ROBO2: variants seen among roughly 807,000 people sequenced by gnomAD.
The protein encoded by ROBO2 is roundabout guidance receptor 2.
In ROBO2, 53 loss-of-function variants were observed where a neutral mutation model predicts 160.8. The observed-to-expected ratio is 0.33, with a 90% confidence interval of 0.26 to 0.41. The LOEUF (loss-of-function observed/expected upper bound fraction) is 0.41, where lower values mean the gene tolerates loss of function less well. Among genes scored for constraint, ROBO2 ranks in the 10% least tolerant of loss-of-function variants. ROBO2 has a pLI of 1.00. For synonymous variants in ROBO2, 664 were observed against 611.7 expected, an observed-to-expected ratio of 1.09 and a Z score of -1.26; for missense variants, 1,577 against 1,722.4, an observed-to-expected ratio of 0.92 and a Z score of 1.49.
chr3:77,477,144 T>C (rs995776136), intron 2 of ROBO2, among the ~76,000 whole-genome samples: 21 of 152,188 alleles, frequency 1.4e-4, no homozygotes, highest in African/African-American at 5.1e-4. Context: ...CGCAGAACTG[T>C]ACATGAATAT....
At chr3:76,031,119 C>G (rs1292298067) in intron 2 of ROBO2, among the ~76,000 whole-genome samples, 1 of 152,124 alleles carries the variant, frequency 6.6e-6, no homozygotes, top group Non-Finnish European at 1.5e-5. Flanking sequence ...ATTTTATTCT[C>G]TTCATAGCAG....
intron 2 of ROBO2, among the ~76,000 whole-genome samples, chr3:77,004,707 G>A (rs936543707): frequency 1.3e-5 from 2 of 152,168 alleles, no homozygotes; most frequent in African/African-American, 4.8e-5. Flanking sequence ...TCAGTAAAAT[G>A]TTTCGGTGCT....
rs1193680951 is a variant in ROBO2 at position 77,578,107 on chromosome 3, G to GA, written c.2328+500dup. Among the ~76,000 whole-genome samples, 31 of 148,894 alleles carry GA rather than the reference G, an allele frequency of 2.1e-4. No homozygotes were observed. The South Asian group carries it at 6.0e-3, about 29-fold the overall frequency. ...TGAGGTTGTGTAGAATATTTCACCT[G>GA]AAAAAAAGCCACTGAACATATTTTA... On this transcript the variant is annotated intron_variant, in intron 15 of 25. Transcript: ENST00000461745.
intron 5 of ROBO2, among the ~76,000 whole-genome samples, chr3:77,515,688 T>C (rs1280165304): frequency 6.6e-6 from 1 of 151,660 alleles, no homozygotes; most frequent in African/African-American, 2.4e-5. Context: ...GATTCATACA[T>C]CAGGATTTTT....
intron 2 of ROBO2, among the ~76,000 whole-genome samples, chr3:75,986,553 T>G (rs1023299941): frequency 6.6e-6 from 1 of 151,664 alleles, no homozygotes; most frequent in African/African-American, 2.4e-5. Flanking sequence ...GTTTATCAAG[T>G]ACAGTTTTTA....
intron 2 of ROBO2, among the ~76,000 whole-genome samples, chr3:77,188,208 A>G (rs1248100217): frequency 6.6e-6 from 1 of 151,928 alleles, no homozygotes; most frequent in African/African-American, 2.4e-5. Context: ...ATTTACTTAT[A>G]TATTATTTGC....
chr3:75,968,022 T>G (rs1949181675), intron 2 of ROBO2, among the ~76,000 whole-genome samples: 1 of 151,582 alleles, frequency 6.6e-6, no homozygotes, highest in Non-Finnish European at 1.5e-5. Flanking sequence ...TAACTTCACA[T>G]GCTAATTCAT....
At chr3:77,002,831 T>G (rs2149426017) in intron 2 of ROBO2, among the ~76,000 whole-genome samples, 1 of 152,272 alleles carries the variant, frequency 6.6e-6, no homozygotes, top group Non-Finnish European at 1.5e-5. Context: ...CAATAATATT[T>G]ACTTAGTCTA....
intron 2 of ROBO2, among the ~76,000 whole-genome samples, chr3:76,314,318 CT>C (rs1281219369): frequency 2.0e-5 from 3 of 151,984 alleles, no homozygotes; most frequent in African/African-American, 7.3e-5. Flanking sequence ...GTTCGATTAC[CT>C]TCACCATGAA....
chr3:77,502,645 T>C (rs1199846615), intron 5 of ROBO2, among the ~76,000 whole-genome samples: 1 of 152,162 alleles, frequency 6.6e-6, no homozygotes, highest in African/African-American at 2.4e-5. Flanking sequence ...TCTGTGGATT[T>C]AACCAATTCT....
chr3:76,944,365 T>C lies in ROBO2; in HGVS notation c.110-153649T>C, dbSNP rs368212111. Reference sequence around the variant, plus strand: ...TATTTGGTATTTCAAAAATAAACTGTTCTCAAACCTTTCACTCCACACTAC... The same window carrying C: ...TATTTGGTATTTCAAAAATAAACTGCTCTCAAACCTTTCACTCCACACTAC... On this transcript the variant is annotated intron_variant, in intron 2 of 26. Coordinates refer to the ROBO2 transcript ENST00000487694. 3.3e-5 allele frequency among the ~76,000 whole-genome samples: 5 copies of C among 152,198 alleles called. No homozygotes were observed. The East Asian group carries it at 9.6e-4, about 29-fold the overall frequency.
chr3:76,766,020 A>G (rs2061561726), intron 2 of ROBO2, among the ~76,000 whole-genome samples: 1 of 151,728 alleles, frequency 6.6e-6, no homozygotes, highest in African/African-American at 2.4e-5. Flanking sequence ...TTTGGTAATT[A>G]TTAACAGTAA....
intron 2 of ROBO2, among the ~76,000 whole-genome samples, chr3:76,929,440 T>C (rs901402651): frequency 2.0e-5 from 3 of 152,140 alleles, no homozygotes; most frequent in Non-Finnish European, 2.9e-5. Context: ...TGTGACACTA[T>C]CTTCAAAGTA....
rs1559693285 is a variant in ROBO2 at position 77,597,317 on chromosome 3, A to AATC, written c.2854+568_2854+569insTCA. 3.2e-3 allele frequency among the ~76,000 whole-genome samples: 481 copies of AATC among 151,512 alleles called. 6 individuals are homozygous for AATC. The highest frequency in any genetic ancestry group is 9.7e-3 in the African/African-American group (402 of 41,296). ...TCCAAAAATAAATAAATAAATAAAT[A>AATC]AATAAATAAAAAAGACAAAAAAGTG... is the stretch of plus-strand genomic sequence containing the variant. On this transcript the variant is annotated intron_variant, in intron 19 of 25. Transcript: ENST00000461745.
chr3:77,328,635 A>C (rs1452816356), intron 2 of ROBO2, among the ~76,000 whole-genome samples: 3 of 152,214 alleles, frequency 2.0e-5, no homozygotes, highest in Non-Finnish European at 4.4e-5. Context: ...AAAATGTAAG[A>C]GAGCATCTCA....
intron 2 of ROBO2, among the ~76,000 whole-genome samples, chr3:76,529,863 T>C (rs1422374217): frequency 2.0e-5 from 3 of 152,148 alleles, no homozygotes; most frequent in Non-Finnish European, 4.4e-5. Context: ...GTAAGATATG[T>C]GGAGGTGGCT....
rs369454276 is a variant in ROBO2, at chr3:76,933,257, T to A, written c.110-164757T>A. ...TATTTAGTTCCACTGAACTCATTGTTTGTAATTTACTACCATAGTGATTAT... is the reference window on the plus strand; with the variant it reads ...TATTTAGTTCCACTGAACTCATTGTATGTAATTTACTACCATAGTGATTAT... On this transcript the variant is annotated intron_variant, in intron 2 of 26. Coordinates refer to the ROBO2 transcript ENST00000487694. 3.3e-5 allele frequency among the ~76,000 whole-genome samples: 5 copies of A among 152,338 alleles called. 1 individual carries two copies. Among genetic ancestry groups the A allele is most frequent in the African/African-American group, 2.4e-5 (1 of 41,574 alleles).
intron 2 of ROBO2, among the ~76,000 whole-genome samples, chr3:77,112,240 G>A (rs530254041): frequency 1.3e-5 from 2 of 150,502 alleles, no homozygotes; most frequent in African/African-American, 2.4e-5. Flanking sequence ...AGGAGTTTTG[G>A]GGGGTGGAGG....
At chr3:77,420,219 A>G (rs1334363239) in intron 2 of ROBO2, among the ~76,000 whole-genome samples, 4 of 151,922 alleles carry the variant, frequency 2.6e-5, no homozygotes, top group African/African-American at 9.7e-5. Flanking sequence ...AAGGAGTTGT[A>G]TTAAGTAAAT....
Sources: gnomAD v4.1 joint callset for allele counts (sites outside exome capture counted in the v4.1 genomes callset) on GRCh38, gnomAD v4.1.1 for gene constraint, MANE v1.5 for transcripts, NCBI Gene and HGNC (gene_info 2026-07-23, HGNC 2026-07-21) for gene names.